PLXNA2: variants seen among roughly 807,000 people sequenced by gnomAD.
The protein encoded by PLXNA2 is plexin-A2.
PLXNA2 carries 91 observed loss-of-function variants against 193.5 expected under a neutral mutation model. The ratio of observed to expected loss-of-function variants is 0.47; its 90% CI spans 0.40 to 0.56. The LOEUF is 0.56. Among genes scored for constraint, PLXNA2 ranks in the 20% least tolerant of loss-of-function variants. PLXNA2 has a pLI of 0.00. For synonymous variants in PLXNA2, 997 were observed against 1,027.3 expected (o/e 0.97, Z 0.56); for missense variants, 1,995 against 2,503.2 (o/e 0.80, Z 4.33).
chr1:208,217,309 C>T lies in PLXNA2; in HGVS notation c.614G>A (p.Arg205Gln), dbSNP rs149833033. The T allele has an allele frequency of 2.0e-4, 328 of 1,614,134 alleles. 1 individual carries two copies. The highest frequency in any genetic ancestry group is 7.8e-4 in the Admixed American group (47 of 60,022). Residue 205 changes from arginine (R) to glutamine (Q), a missense_variant, in exon 2 of 32, where the codon CGA becomes CAA. By Grantham distance (43) the Arg-to-Gln change is conservative (BLOSUM62 1). This residue lies in a region of PLXNA2 where 702 missense variants were observed against 812.9 expected (regional missense o/e 0.86). Transcript: ENST00000367033. The surrounding 1 kb of genome is among the most constrained non-coding windows in gnomAD (Gnocchi z 4.7). Reference sequence around the variant, plus strand: ...GAGCATGGCTGAGGACTCAGGGTCTCGGGGCAGCTTCCGGCTGGACAGGGT... The same window carrying T: ...GAGCATGGCTGAGGACTCAGGGTCTTGGGGCAGCTTCCGGCTGGACAGGGT... Reference protein sequence around the residue: ...FPTLSSRKLPRDPESSAMLDY... With the variant: ...FPTLSSRKLPQDPESSAMLDY...
intron 3 of PLXNA2, among the ~76,000 whole-genome samples, chr1:208,177,871 A>G (rs1391667863): frequency 3.3e-5 from 5 of 152,262 alleles, no homozygotes; most frequent in Non-Finnish European, 7.3e-5. Context: ...ACAAGCAGTC[A>G]GGTGATTCTG....
intron 3 of PLXNA2, among the ~76,000 whole-genome samples, chr1:208,204,876 C>G (rs1375276262): frequency 6.6e-6 from 1 of 152,140 alleles, no homozygotes; most frequent in Non-Finnish European, 1.5e-5. Flanking sequence ...TGTCACAATG[C>G]TTGAGCAGCA....
chr1:208,144,937 G>T (rs1361962049), intron 3 of PLXNA2, among the ~76,000 whole-genome samples: 1 of 152,054 alleles, frequency 6.6e-6, no homozygotes, highest in African/African-American at 2.4e-5. Context: ...GAGCAATTCT[G>T]ATGATGAGAT....
At chr1:208,229,084 CGCATTCT>C (rs1403363815) in intron 1 of PLXNA2, among the ~76,000 whole-genome samples, 2 of 152,180 alleles carry the variant, frequency 1.3e-5, no homozygotes, top group African/African-American at 4.8e-5. Flanking sequence ...GGCTCAGCCC[CGCATTCT>C]CTGGGCCCTT....
At chr1:208,144,159 C>T (rs1020808606) in intron 3 of PLXNA2, among the ~76,000 whole-genome samples, 2 of 152,174 alleles carry the variant, frequency 1.3e-5, no homozygotes, top group African/African-American at 2.4e-5. Flanking sequence ...CTCCCTACAC[C>T]ACACTGAGAG....
At chr1:208,159,346 A>T (rs1313439800) in intron 3 of PLXNA2, among the ~76,000 whole-genome samples, 1 of 152,002 alleles carries the variant, frequency 6.6e-6, no homozygotes, top group Non-Finnish European at 1.5e-5. Context: ...CTGTGGGGGG[A>T]AGTACCTTCC....
intron 3 of PLXNA2, among the ~76,000 whole-genome samples, chr1:208,181,826 T>C (rs1473584524): frequency 1.3e-5 from 2 of 152,236 alleles, no homozygotes; most frequent in Non-Finnish European, 2.9e-5. Context: ...TTTTAAATTA[T>C]GTCCAGAAAA....
chr1:208,095,920 T>G, intron 8 of PLXNA2, 109 bp downstream of exon 8: 1 of 804,136 alleles, frequency 1.2e-6, no homozygotes, highest in South Asian at 1.5e-5. Flanking sequence ...GGGGAAACTG[T>G]GAGGTGACTA....
intron 4 of PLXNA2, among the ~76,000 whole-genome samples, chr1:208,141,486 A>G (rs1287993556): frequency 1.3e-5 from 2 of 152,170 alleles, no homozygotes. Flanking sequence ...CAGACTGGCA[A>G]TCCTTTTCCT....
chr1:208,149,894 C>T lies in PLXNA2; in HGVS notation c.1372-7431G>A, dbSNP rs190907250. 5.3e-5 allele frequency among the ~76,000 whole-genome samples: 8 copies of T among 152,246 alleles called. No individual in the cohort carries two copies. The East Asian group carries it at 7.7e-4, about 15-fold the overall frequency. On this transcript the variant is annotated intron_variant, in intron 3 of 31. Coordinates refer to ENST00000367033, the MANE Select transcript of PLXNA2 (RefSeq NM_025179.4). ...ACGCATTCAACAGCAGCAACAGCAG[C>T]GGTGGCAGTCCAGGGTGCCTATTGC...
chr1:208,066,034 ATGTGTG>A (rs372632260), intron 12 of PLXNA2, among the ~76,000 whole-genome samples: 9 of 149,972 alleles, frequency 6.0e-5, no homozygotes, highest in African/African-American at 1.7e-4. Context: ...TGGGGGGTGT[ATGTGTG>A]TGTGTGTGTG....
At chr1:208,161,638 C>T (rs970112280) in intron 3 of PLXNA2, among the ~76,000 whole-genome samples, 1 of 152,172 alleles carries the variant, frequency 6.6e-6, no homozygotes, top group Non-Finnish European at 1.5e-5. Context: ...TTTAGCCTCT[C>T]TGAGCCTCAG....
chr1:208,180,028 G>A (rs1305204632), intron 3 of PLXNA2, among the ~76,000 whole-genome samples: 3 of 152,066 alleles, frequency 2.0e-5, no homozygotes, highest in Non-Finnish European at 4.4e-5. Flanking sequence ...CTCCTGCCCC[G>A]CCCCCACCCT....
chr1:208,027,026 A>G lies in PLXNA2; in HGVS notation c.*217T>C. On this transcript the variant is annotated 3_prime_UTR_variant, in exon 32 of 32. Transcript: ENST00000367033. ...CGGCCCCGGGTTCTCTGGTGTTCTCACTGAGGATGGACGACGCCCACTGTC... is the reference window on the plus strand; with the variant it reads ...CGGCCCCGGGTTCTCTGGTGTTCTCGCTGAGGATGGACGACGCCCACTGTC... The G allele has an allele frequency of 2.0e-6, 1 of 495,778 alleles. No individual in the cohort carries two copies. The highest frequency in any genetic ancestry group is 3.6e-6 in the Non-Finnish European group (1 of 275,200). 30.7% of individuals were successfully genotyped at this position (495,778 alleles called of 1,614,324 possible).
chr1:208,087,398 GTT>G (rs35601723), intron 9 of PLXNA2, among the ~76,000 whole-genome samples: 24 of 144,006 alleles, frequency 1.7e-4, no homozygotes, highest in African/African-American at 5.6e-4. Flanking sequence ...TATTACATGA[GTT>G]TTTTTTTTTT....
rs117788129 is a variant in PLXNA2 at position 208,196,288 on chromosome 1, G to A, written c.1371+13992C>T. Among the ~76,000 whole-genome samples the A allele has an allele frequency of 1.5e-3, 222 of 152,174 alleles. 1 individual carries two copies. The East Asian group carries it at 0.019, about 13-fold the overall frequency. On this transcript the variant is annotated intron_variant, in intron 3 of 31. Transcript: ENST00000367033. ...GTTTGGTAATTAATAAAAAGTTCAC[G>A]TACTTGAGGACTCAACCAAACACAC...
intron 3 of PLXNA2, among the ~76,000 whole-genome samples, chr1:208,200,577 CTTTTTTTTTTTT>C (rs36026400): frequency 4.4e-5 from 5 of 113,998 alleles, no homozygotes; most frequent in Non-Finnish European, 8.4e-5. Context: ...CCCAATCCTT[CTTTTTTTTTTTT>C]TTTTTTTTTT....
intron 4 of PLXNA2, among the ~76,000 whole-genome samples, chr1:208,142,107 A>G (rs969344475): frequency 5.9e-5 from 9 of 152,214 alleles, no homozygotes; most frequent in Admixed American, 5.9e-4. Flanking sequence ...ACTTACTGAG[A>G]CAGGGGCTGT....
intron 3 of PLXNA2, among the ~76,000 whole-genome samples, chr1:208,205,655 T>A (rs1286764055): frequency 6.6e-6 from 1 of 152,232 alleles, no homozygotes; most frequent in Non-Finnish European, 1.5e-5. Flanking sequence ...TGAGATTTGA[T>A]GCAGGAATCC....
Sources: gnomAD v4.1 joint callset for allele counts (sites outside exome capture counted in the v4.1 genomes callset) on GRCh38, gnomAD v4.1.1 for gene constraint, gnomAD v4.1.1 regional missense constraint, Gnocchi (gnomAD v3.1) non-coding constraint, MANE v1.5 for transcripts, NCBI Gene and HGNC (gene_info 2026-07-23, HGNC 2026-07-21) for gene names.